The following SGPL1 variants were observed in gnomAD, a reference collection of about 807,000 sequenced individuals.
The protein encoded by SGPL1 is sphingosine-1-phosphate lyase 1, also known as SP-lyase 1.
Under a neutral mutation model 68.9 loss-of-function variants are expected in SGPL1, and 37 were observed. The ratio of observed to expected loss-of-function variants is 0.54; its 90% confidence interval spans 0.41 to 0.71. SGPL1 has a LOEUF of 0.71. SGPL1 is among the 30% of genes least tolerant of loss of function. The probability of loss-of-function intolerance (pLI) is 0.00; values close to 1 mark genes in which losing one functional copy is unlikely to be tolerated. For missense variants in SGPL1, 551 were observed against 704.6 expected, an observed-to-expected ratio of 0.78 and a Z score of 2.47; for synonymous variants, 236 against 248.5, an observed-to-expected ratio of 0.95 and a Z score of 0.47.
chr10:70,858,385 G>T (rs186088921), intron 6 of SGPL1, among the ~76,000 whole-genome samples: 90 of 152,236 alleles, frequency 5.9e-4, no homozygotes, highest in African/African-American at 2.1e-3. Flanking sequence ...TGATCCTCCT[G>T]CCTTGGCCTC....
chr10:70,816,868 CCTT>C lies in SGPL1; in HGVS notation c.18_20del (p.Leu7del), dbSNP rs1419751350. 2 of 1,613,962 alleles carry C rather than the reference CCTT, an allele frequency of 1.2e-6. No homozygotes were observed. Among genetic ancestry groups the C allele is most frequent in the African/African-American group, 1.3e-5 (1 of 74,896 alleles). ...GGAAGAGGAAGATGCCTAGCACAGA[CCTT>C]CTGATGTTGGTGAGCCTTTTGCAGA... is the stretch of plus-strand genomic sequence containing the variant. On this transcript the variant is annotated inframe_deletion, in exon 2 of 15. Transcript: ENST00000373202.
At chr10:70,841,673 A>C (rs1845716070) in intron 2 of SGPL1, among the ~76,000 whole-genome samples, 1 of 152,068 alleles carries the variant, frequency 6.6e-6, no homozygotes, top group Non-Finnish European at 1.5e-5. Flanking sequence ...CAACATATGA[A>C]TTTTTGGGGG....
intron 6 of SGPL1, among the ~76,000 whole-genome samples, chr10:70,859,152 C>G (rs1846008969): frequency 6.6e-6 from 1 of 152,184 alleles, no homozygotes; most frequent in African/African-American, 2.4e-5. Flanking sequence ...GCGCTTTTAA[C>G]CATATTTATA....
chr10:70,844,531 A>G lies in SGPL1; in HGVS notation c.86A>G (p.Tyr29Cys), dbSNP rs766561816. 6.2e-7 allele frequency: 1 copy of G among 1,614,164 alleles called. No homozygotes were observed. The highest frequency in any genetic ancestry group is 1.1e-5 in the South Asian group (1 of 91,084). Residue 29 changes from tyrosine to cysteine, a missense_variant, in exon 3 of 15, where the codon TAT (tyrosine) becomes TGT (cysteine). By Grantham distance (194) the Tyr-to-Cys change is radical (BLOSUM62 -2). Coordinates refer to ENST00000373202, the MANE Select transcript of SGPL1 (RefSeq NM_003901.4). ...LEVYSTKAKN[Y>C]VNGHCTKYEP... ...GTATACTCCACAAAAGCCAAGAATT[A>G]TGTAAATGGACATTGCACCAAGTAT...
At chr10:70,854,660 C>A in intron 4 of SGPL1, 48 bp from the exon 5 acceptor site, 1 of 1,554,798 alleles carries the variant, frequency 6.4e-7, no homozygotes, top group Non-Finnish European at 8.7e-7. Context: ...TCTGCTGTCT[C>A]TACTGTACTC....
At chr10:70,863,822 C>T (rs1483051542) in intron 7 of SGPL1, among the ~76,000 whole-genome samples, 1 of 152,124 alleles carries the variant, frequency 6.6e-6, no homozygotes, top group Admixed American at 6.6e-5. Context: ...GGATTTATTT[C>T]TTGTACACTG....
At chr10:70,857,372 A>G in intron 5 of SGPL1, 1 of 414,496 alleles carries the variant, frequency 2.4e-6, no homozygotes, top group Non-Finnish European at 4.5e-6. Flanking sequence ...GATTGCCTTT[A>G]TTGTAGCTAA....
chr10:70,853,872 T>C (rs1462640045), intron 4 of SGPL1, among the ~76,000 whole-genome samples: 1 of 152,202 alleles, frequency 6.6e-6, no homozygotes, highest in Non-Finnish European at 1.5e-5. Flanking sequence ...TTAGAATGCC[T>C]TGTGCTAGTG....
chr10:70,841,549 TG>T (rs1194701473), intron 2 of SGPL1, among the ~76,000 whole-genome samples: 1 of 152,164 alleles, frequency 6.6e-6, no homozygotes, highest in Non-Finnish European at 1.5e-5. Flanking sequence ...ATTTGCTCTC[TG>T]GGGGTCTCTT....
chr10:70,876,017 G>A (rs1219346356), intron 13 of SGPL1, among the ~76,000 whole-genome samples: 1 of 152,146 alleles, frequency 6.6e-6, no homozygotes, highest in African/African-American at 2.4e-5. Flanking sequence ...GTCTGTTCAT[G>A]TCCTCTGTGT....
chr10:70,840,848 T>C (rs1343367381), intron 2 of SGPL1, among the ~76,000 whole-genome samples: 1 of 152,200 alleles, frequency 6.6e-6, no homozygotes, highest in South Asian at 2.1e-4. Context: ...TTGCATTTGC[T>C]GGTTCTTTGC....
At chr10:70,837,244 A>G (rs1000302938) in intron 2 of SGPL1, among the ~76,000 whole-genome samples, 10 of 151,638 alleles carry the variant, frequency 6.6e-5, no homozygotes, top group Non-Finnish European at 1.3e-4. Context: ...TGCCTGGCTA[A>G]TTTTTCTATT....
At chr10:70,862,271 ACT>A (rs201183842) in intron 7 of SGPL1, among the ~76,000 whole-genome samples, 2,440 of 151,770 alleles carry the variant, frequency 0.016, 46 homozygotes, top group African/African-American at 0.054. Context: ...ACCAATCGAC[ACT>A]CTGTATCTCG....
At chr10:70,862,784 C>T (rs1174552026) in intron 7 of SGPL1, among the ~76,000 whole-genome samples, 1 of 152,140 alleles carries the variant, frequency 6.6e-6, no homozygotes, top group African/African-American at 2.4e-5. Context: ...ATTCCGGACA[C>T]ATCCGAACAT....
intron 10 of SGPL1, 140 bp downstream of exon 10, chr10:70,871,286 G>A (rs1353492500): frequency 7.0e-6 from 4 of 574,644 alleles, no homozygotes; most frequent in African/African-American, 1.9e-5. Context: ...ATCAGCCCTA[G>A]GGGAAGCCCT....
chr10:70,826,881 A>G (rs1462055249), intron 2 of SGPL1, among the ~76,000 whole-genome samples: 1 of 151,662 alleles, frequency 6.6e-6, no homozygotes, highest in African/African-American at 2.4e-5. Flanking sequence ...TTATTGCTGT[A>G]TATATAGTAT....
At chr10:70,873,328 C>G (rs770193094) in intron 11 of SGPL1, 23 bp from the exon 12 acceptor site, 3 of 1,567,416 alleles carry the variant, frequency 1.9e-6, no homozygotes, top group Non-Finnish European at 2.6e-6. Flanking sequence ...TCTCACTTTT[C>G]TTGTCTGCTA....
intron 2 of SGPL1, among the ~76,000 whole-genome samples, chr10:70,837,694 G>T (rs1845647883): frequency 6.6e-6 from 1 of 152,176 alleles, no homozygotes; most frequent in South Asian, 2.1e-4. Flanking sequence ...AGCTCTGAGG[G>T]ACTACCTGAA....
intron 2 of SGPL1, among the ~76,000 whole-genome samples, chr10:70,822,874 AAC>A (rs1845366023): frequency 1.3e-5 from 2 of 151,942 alleles, no homozygotes; most frequent in Non-Finnish European, 2.9e-5. Flanking sequence ...GACTGTAAGA[AAC>A]ACAATTGAAC....
Sources: allele counts gnomAD v4.1 joint callset (sites outside exome capture counted in the v4.1 genomes callset), GRCh38; gene constraint gnomAD v4.1.1; transcripts MANE v1.5; gene names NCBI Gene and HGNC (gene_info 2026-07-23, HGNC 2026-07-21).